NFKBIB: variants seen among roughly 807,000 people sequenced by gnomAD.
NFKBIB encodes NF-kappa-B inhibitor beta.
NFKBIB carries 16 observed loss-of-function variants against 32.1 expected under a neutral mutation model. The observed-to-expected ratio is 0.50, with a 90% CI of 0.34 to 0.76. The LOEUF (loss-of-function observed/expected upper bound fraction) is 0.76, where lower values mean the gene tolerates loss of function less well. Among genes scored for constraint, NFKBIB ranks in the 30% least tolerant of loss-of-function variants. The pLI is 0.01. For missense variants in NFKBIB, 437 were observed against 514.9 expected (o/e 0.85, Z 1.46); for synonymous variants, 222 against 219.5 (o/e 1.01, Z -0.10).
chr19:38,904,348 C>T (rs1311939650), intron 1 of NFKBIB, among the ~76,000 whole-genome samples: 3 of 152,142 alleles, frequency 2.0e-5, no homozygotes, highest in Admixed American at 6.6e-5. Context: ...GTGTGAGTAA[C>T]GAGCACTTTT....
chr19:38,903,133 G>T (rs531855649), intron 1 of NFKBIB, among the ~76,000 whole-genome samples: 1 of 152,092 alleles, frequency 6.6e-6, no homozygotes, highest in Non-Finnish European at 1.5e-5. Context: ...GAAACCATAT[G>T]ACCTACAAAG....
chr19:38,899,786 C>T (rs201695896), upstream of NFKBIB: 8 of 671,402 alleles, frequency 1.2e-5, no homozygotes, highest in Non-Finnish European at 1.8e-5. Context: ...GAAGGCGTGG[C>T]GTCAGCAGCC....
intron 3 of NFKBIB, 74 bp from the exon 4 acceptor site, chr19:38,907,147 C>T: frequency 7.3e-7 from 1 of 1,367,094 alleles, no homozygotes. Context: ...ACATGACCCT[C>T]CCCCAGGATC....
At chr19:38,902,076 A>ATTTTTTTTTTTTTTT (rs1444689459) in intron 1 of NFKBIB, among the ~76,000 whole-genome samples, 1 of 64,018 alleles carries the variant, frequency 1.6e-5, no homozygotes, top group Admixed American at 2.1e-4. Flanking sequence ...AGTGTTTTTC[A>ATTTTTTTTTTTTTTT]TTTTATTTCT....
chr19:38,905,740 G>T lies in NFKBIB; in HGVS notation c.619+205G>T, dbSNP rs1325184058. 6.6e-6 allele frequency among the ~76,000 whole-genome samples: 1 copy of T among 152,146 alleles called. No individual in the cohort carries two copies. The highest frequency in any genetic ancestry group is 2.4e-5 in the African/African-American group (1 of 41,424). On this transcript the variant is annotated intron_variant, in intron 3 of 5. Coordinates refer to ENST00000313582, the MANE Select transcript of NFKBIB (RefSeq NM_002503.5). The surrounding 1 kb of genome is among the most constrained non-coding windows in gnomAD (Gnocchi z 5.5). ...TAGGACCCAGGACCCCCACCTGGAG[G>T]CCCCAGGTCACTTGGGATGCAGACC... is the stretch of plus-strand genomic sequence containing the variant.
At position 38,907,012 on chromosome 19, in the gene NFKBIB, C is replaced by T. The variant is rs546264702; in HGVS notation, c.620-209C>T. 3.3e-5 allele frequency among the ~76,000 whole-genome samples: 5 copies of T among 152,350 alleles called. No individual in the cohort carries two copies. The South Asian group carries it at 8.3e-4, about 25-fold the overall frequency. On this transcript the variant is annotated intron_variant, in intron 3 of 5. Transcript: ENST00000313582. ...TTACCCGCGGGCCCCAGGCTTCAAACAACTCAGGCACTAGCACTTGCCAGC... is the reference window on the plus strand; with the variant it reads ...TTACCCGCGGGCCCCAGGCTTCAAATAACTCAGGCACTAGCACTTGCCAGC...
chr19:38,901,874 C>T (rs1973976673), intron 1 of NFKBIB, among the ~76,000 whole-genome samples: 1 of 151,928 alleles, frequency 6.6e-6, no homozygotes, highest in Non-Finnish European at 1.5e-5. Context: ...ACCACTGTGC[C>T]CAGACAGTCT....
rs771024718 is a variant in NFKBIB, at chr19:38,905,015, G to A, written c.180G>A (p.Thr60=). Residue 60 remains threonine (T), a splice_region_variant and synonymous_variant, in exon 2 of 6, where the codon ACG becomes ACA. Coordinates refer to ENST00000313582, the MANE Select transcript of NFKBIB (RefSeq NM_002503.5). This position sits in a 1 kb window ranked among gnomAD's most constrained non-coding sequence, Gnocchi z 5.5. ...CTCTCACCCCGGTCTTTGTCCCCAG[G>A]GCACTGCACTTGGCTGTGATTCATC... ...VFGYVTEDGD[T]ALHLAVIHQH... The A allele has an allele frequency of 8.7e-6, 14 of 1,613,956 alleles. No individual in the cohort carries two copies. In the South Asian group the frequency reaches 1.5e-4, roughly 18 times the overall value.
chr19:38,903,001 G>A lies in NFKBIB; in HGVS notation c.180-2014G>A, dbSNP rs542874466. Among the ~76,000 whole-genome samples the A allele has an allele frequency of 1.8e-4, 27 of 152,186 alleles. No individual in the cohort carries two copies. The South Asian group carries it at 2.9e-3, about 16-fold the overall frequency. The stretch of plus-strand genomic sequence containing the variant: ...GGAGAATCGCTTGAACCCGGGAGGC[G>A]GAGGTTGCAGTGAGCTGAGATCACG... On this transcript the variant is annotated intron_variant, in intron 1 of 5. Transcript: ENST00000313582.
At chr19:38,906,803 T>C (rs1301380700) in intron 3 of NFKBIB, among the ~76,000 whole-genome samples, 1 of 152,074 alleles carries the variant, frequency 6.6e-6, no homozygotes, top group African/African-American at 2.4e-5. Flanking sequence ...CGTCTTGCCA[T>C]GTTGCCCAGG....
At chr19:38,904,524 A>G (rs1974055358) in intron 1 of NFKBIB, among the ~76,000 whole-genome samples, 1 of 152,110 alleles carries the variant, frequency 6.6e-6, no homozygotes, top group African/African-American at 2.4e-5. Flanking sequence ...TGGCCTCCAC[A>G]GACTCTTCCT....
At position 38,900,028 on chromosome 19, in the gene NFKBIB, G is replaced by A. The variant is rs1384824589; in HGVS notation, c.-5G>A. ...CTGCGGGGGGCCCCTGAGGCGGCGG[G>A]GGCCATGGCTGGGGTCGCGTGCTTG... On this transcript the variant is annotated 5_prime_UTR_variant, in exon 1 of 6. Coordinates refer to ENST00000313582, the MANE Select transcript of NFKBIB (RefSeq NM_002503.5). 1 of 1,465,336 alleles carries A rather than the reference G, an allele frequency of 6.8e-7. No individual in the cohort carries two copies. The allele number at this position is 1,465,336 out of a possible 1,614,324, so 90.8% of individuals were successfully genotyped here.
chr19:38,900,430 T>G (rs1973912620), intron 1 of NFKBIB, among the ~76,000 whole-genome samples: 2 of 152,230 alleles, frequency 1.3e-5, no homozygotes, highest in Non-Finnish European at 2.9e-5. Flanking sequence ...TTTCTTGAAC[T>G]ATGATTCTCA....
At chr19:38,907,865 G>T in intron 5 of NFKBIB, 1 of 1,405,854 alleles carries the variant, frequency 7.1e-7, no homozygotes, top group Non-Finnish European at 9.3e-7. Flanking sequence ...AAAAACTAAG[G>T]CAGTGGCAAA....
chr19:38,908,403 G>A (rs1974216626), intron 5 of NFKBIB: 1 of 775,608 alleles, frequency 1.3e-6, no homozygotes, highest in Non-Finnish European at 1.6e-6. Flanking sequence ...GCTGGGCGTG[G>A]TGGCGCATGC....
chr19:38,907,228 C>T lies in NFKBIB; in HGVS notation c.627C>T (p.Thr209=), dbSNP rs1280812601. ...CAATCACTCTGTCCCCAGGCCACAC[C>T]CCACTCCACGTGGCCGTTATCCACA... ...QLEAENYEGH[T]PLHVAVIHKD... The change falls in exon 4 of 6, where the codon ACC becomes ACT. Residue 209 remains threonine, a synonymous_variant. Coordinates refer to ENST00000313582, the MANE Select transcript of NFKBIB (RefSeq NM_002503.5). The T allele has an allele frequency of 6.2e-7, 1 of 1,612,054 alleles. No individual in the cohort carries two copies. The highest frequency in any genetic ancestry group is 8.5e-7 in the Non-Finnish European group (1 of 1,178,840).
At chr19:38,907,934 CGG>C in intron 5 of NFKBIB, 1 of 1,285,628 alleles carries the variant, frequency 7.8e-7, no homozygotes, top group Non-Finnish European at 9.9e-7. Flanking sequence ...GTGAACACAG[CGG>C]GGGTGGGTGG....
chr19:38,907,624 A>G lies in NFKBIB; in HGVS notation c.934A>G (p.Ser312Gly). 3 of 1,610,496 alleles carry G rather than the reference A, an allele frequency of 1.9e-6. No individual in the cohort carries two copies. The highest frequency in any genetic ancestry group is 2.5e-6 in the Non-Finnish European group (3 of 1,178,898). The change falls in exon 5 of 6, where the codon AGC becomes GGC. Residue 312 changes from serine (S) to glycine (G), a missense_variant. Transcript: ENST00000313582. ...EGEDEKSGPC[S>G]SSSDSDSGDE... ...CGAGGACGAGAAATCCGGCCCCTGC[A>G]GCAGCAGTAGCGACAGCGACAGCGG...
intron 3 of NFKBIB, 73 bp from the exon 4 acceptor site, chr19:38,907,148 C>T (rs533965157): frequency 1.4e-6 from 2 of 1,387,830 alleles, no homozygotes; most frequent in African/African-American, 1.4e-5. Context: ...CATGACCCTC[C>T]CCCAGGATCA....
Sources: gnomAD v4.1 joint callset for allele counts (sites outside exome capture counted in the v4.1 genomes callset) on GRCh38, gnomAD v4.1.1 for gene constraint, Gnocchi (gnomAD v3.1) non-coding constraint, MANE v1.5 for transcripts, NCBI Gene and HGNC (gene_info 2026-07-23, HGNC 2026-07-21) for gene names.